The following UNC5D variants were observed in gnomAD, a reference collection of about 807,000 sequenced individuals.
The protein encoded by UNC5D is unc-5 netrin receptor D.
In UNC5D, 39 loss-of-function variants were observed where a neutral mutation model predicts 105.4. The observed-to-expected ratio is 0.37, with a 90% CI of 0.29 to 0.48. UNC5D has a LOEUF of 0.48. Ranked by LOEUF, UNC5D falls within the 20% of genes least tolerant of loss-of-function variation. The pLI, the probability that UNC5D is intolerant of heterozygous loss-of-function variation, is 0.98. For missense variants in UNC5D, 991 were observed against 1,202.4 expected (o/e 0.82, Z 2.60); for synonymous variants, 452 against 450.4 (o/e 1.00, Z -0.04).
intron 1 of UNC5D, among the ~76,000 whole-genome samples, chr8:35,369,039 T>C (rs1476450875): frequency 6.6e-6 from 1 of 152,244 alleles, no homozygotes; most frequent in East Asian, 1.9e-4. Flanking sequence ...ATATTAAACA[T>C]GGCAGTCTGA....
chr8:35,310,170 T>G (rs1808763208), intron 1 of UNC5D, among the ~76,000 whole-genome samples: 1 of 152,190 alleles, frequency 6.6e-6, no homozygotes, highest in African/African-American at 2.4e-5. Flanking sequence ...TTTTCTAATT[T>G]TGTTTATGTT....
At chr8:35,641,366 C>CAAAAAAAAAAAA (rs377021599) in intron 4 of UNC5D, among the ~76,000 whole-genome samples, 28 of 44,266 alleles carry the variant, frequency 6.3e-4, no homozygotes, top group South Asian at 9.8e-4. Flanking sequence ...AAAAATAAAG[C>CAAAAAAAAAAAA]AAAAAAAAAA....
intron 1 of UNC5D, among the ~76,000 whole-genome samples, chr8:35,240,050 C>T (rs1258984805): frequency 6.6e-6 from 1 of 152,134 alleles, no homozygotes; most frequent in Non-Finnish European, 1.5e-5. Context: ...ATCCTCCCAC[C>T]CCAGCCTCTT....
intron 1 of UNC5D, among the ~76,000 whole-genome samples, chr8:35,483,592 T>A (rs973742135): frequency 6.6e-6 from 1 of 152,190 alleles, no homozygotes; most frequent in Non-Finnish European, 1.5e-5. Flanking sequence ...TTAATGTGTT[T>A]GACCACTTCT....
chr8:35,298,586 G>GTTTTTTTTTT (rs35299004), intron 1 of UNC5D, among the ~76,000 whole-genome samples: 2 of 110,540 alleles, frequency 1.8e-5, no homozygotes, highest in African/African-American at 3.4e-5. Flanking sequence ...ATTGTTGTAG[G>GTTTTTTTTTT]TTTTTTTTTT....
At position 35,364,016 on chromosome 8, in the gene UNC5D, C is replaced by T. The variant is rs540298810; in HGVS notation, c.103+128129C>T. ...TGGCCAACATGGCAACACTCTGCCT[C>T]TAATAAAAAACACAAAAATTAGACA... is the stretch of plus-strand genomic sequence containing the variant. On this transcript the variant is annotated intron_variant, in intron 1 of 16. Transcript: ENST00000404895. Among the ~76,000 whole-genome samples the T allele has an allele frequency of 3.4e-4, 51 of 152,044 alleles. No individual in the cohort carries two copies. The South Asian group carries it at 0.01, about 31-fold the overall frequency.
At chr8:35,544,659 A>T in intron 1 of UNC5D, 1 of 1,282,288 alleles carries the variant, frequency 7.8e-7, no homozygotes, top group Non-Finnish European at 1.0e-6. Context: ...CTGGAGTGCA[A>T]TAGTGTGATC....
intron 10 of UNC5D, among the ~76,000 whole-genome samples, chr8:35,728,089 AAAAAAAAT>A (rs1828977140): frequency 7.7e-6 from 1 of 130,218 alleles, no homozygotes; most frequent in African/African-American, 3.8e-5. Flanking sequence ...AAAAAAAAAA[AAAAAAAAT>A]ATATATATAT....
Position 35,748,649 on chromosome 8 carries a change from A to G in UNC5D, c.1889A>G (p.His630Arg), listed in dbSNP as rs1830117968. Residue 630 changes from histidine (H) to arginine (R), a missense_variant, in exon 12 of 17, where the codon CAT becomes CGT. Coordinates refer to ENST00000404895, the MANE Select transcript of UNC5D (RefSeq NM_080872.4). ...CACTGTGCAGATGTCAGTTCTGAGC[A>G]TTGGAATATCCATTTAAAGAAGAGG... ...IPHCADVSSEHWNIHLKKRTQ... is the reference protein window; with the variant it reads ...IPHCADVSSERWNIHLKKRTQ... 6.2e-7 allele frequency: 1 copy of G among 1,613,916 alleles called. No individual in the cohort carries two copies. The highest frequency in any genetic ancestry group is 8.5e-7 in the Non-Finnish European group (1 of 1,179,924).
chr8:35,707,090 T>C (rs961797499), intron 8 of UNC5D, among the ~76,000 whole-genome samples: 3 of 152,120 alleles, frequency 2.0e-5, no homozygotes, highest in Non-Finnish European at 4.4e-5. Flanking sequence ...AATCTTAGGG[T>C]ATTAAAATTC....
intron 4 of UNC5D, among the ~76,000 whole-genome samples, chr8:35,602,307 C>T (rs575710535): frequency 6.6e-6 from 1 of 152,188 alleles, no homozygotes; most frequent in Non-Finnish European, 1.5e-5. Flanking sequence ...ATGATGCTGG[C>T]CTCATAAAAT....
intron 4 of UNC5D, among the ~76,000 whole-genome samples, chr8:35,669,941 A>C (rs1005635932): frequency 6.6e-6 from 1 of 152,118 alleles, no homozygotes; most frequent in African/African-American, 2.4e-5. Context: ...AATGAACTGA[A>C]GATGTCAATC....
intron 4 of UNC5D, among the ~76,000 whole-genome samples, chr8:35,607,868 C>G (rs926803472): frequency 6.6e-6 from 1 of 152,086 alleles, no homozygotes; most frequent in African/African-American, 2.4e-5. Context: ...AACCCTAACC[C>G]TAACCCTAGC....
At chr8:35,449,207 G>T (rs1360852854) in intron 1 of UNC5D, among the ~76,000 whole-genome samples, 2 of 152,064 alleles carry the variant, frequency 1.3e-5, no homozygotes, top group Admixed American at 6.6e-5. Context: ...TTGCAATAGG[G>T]TGAAGACTCA....
intron 1 of UNC5D, among the ~76,000 whole-genome samples, chr8:35,439,058 C>A (rs929531327): frequency 3.3e-5 from 5 of 151,632 alleles, no homozygotes; most frequent in African/African-American, 1.2e-4. Context: ...CTGAGTGTGA[C>A]CTTGGGCAAA....
chr8:35,306,733 G>T (rs911778057), intron 1 of UNC5D, among the ~76,000 whole-genome samples: 5 of 152,072 alleles, frequency 3.3e-5, no homozygotes, highest in African/African-American at 1.2e-4. Context: ...ATTTTACATT[G>T]AAGATGTTCA....
chr8:35,698,235 CCTT>C (rs1339150076), intron 7 of UNC5D, among the ~76,000 whole-genome samples: 1 of 146,586 alleles, frequency 6.8e-6, no homozygotes, highest in African/African-American at 2.5e-5. Flanking sequence ...TCACATAGCT[CCTT>C]TTTTTTTTTT....
chr8:35,259,322 T>C (rs1334534641), intron 1 of UNC5D, among the ~76,000 whole-genome samples: 1 of 152,016 alleles, frequency 6.6e-6, no homozygotes, highest in Non-Finnish European at 1.5e-5. Context: ...TGGAAGGGGA[T>C]TGGGGAGTGG....
chr8:35,685,549 G>T (rs1825951047), intron 6 of UNC5D, among the ~76,000 whole-genome samples: 1 of 152,090 alleles, frequency 6.6e-6, no homozygotes, highest in Admixed American at 6.5e-5. Flanking sequence ...AAGTTAAGGT[G>T]GGGCTCTTCC....
Sources: allele counts gnomAD v4.1 joint callset (sites outside exome capture counted in the v4.1 genomes callset), GRCh38; gene constraint gnomAD v4.1.1; transcripts MANE v1.5; gene names NCBI Gene and HGNC (gene_info 2026-07-23, HGNC 2026-07-21).